METTL15: variants seen among roughly 807,000 people sequenced by gnomAD.
METTL15 encodes the protein methyltransferase 15, mitochondrial 12S rRNA N4-cytidine, also known as 12S rRNA N(4)-cytidine methyltransferase METTL15.
In METTL15, 34 loss-of-function variants were observed where a neutral mutation model predicts 38.3. That is an observed-to-expected ratio of 0.89 (90% CI 0.68 to 1.18). METTL15 has a LOEUF of 1.18. Ranked by LOEUF, METTL15 falls within the 50% of genes most tolerant of loss-of-function variation. The pLI, the probability that METTL15 is intolerant of heterozygous loss-of-function variation, is 0.00. For missense variants in METTL15, 438 were observed against 498.4 expected (o/e 0.88, Z 1.15); for synonymous variants, 162 against 170.9 (o/e 0.95, Z 0.41).
intron 3 of METTL15, among the ~76,000 whole-genome samples, chr11:28,154,745 C>CG (rs953620144): frequency 1.3e-5 from 2 of 152,130 alleles, no homozygotes; most frequent in Admixed American, 1.3e-4. Context: ...TGCAAAATGT[C>CG]AATTATAATG....
intron 3 of METTL15, among the ~76,000 whole-genome samples, chr11:28,347,800 T>C: frequency 6.6e-6 from 1 of 152,210 alleles, no homozygotes; most frequent in East Asian, 1.9e-4. Flanking sequence ...ATATGACAGC[T>C]GCTTCATTTT....
At chr11:28,457,493 T>C (rs1213336824) in intron 6 of METTL15, among the ~76,000 whole-genome samples, 1 of 152,182 alleles carries the variant, frequency 6.6e-6, no homozygotes, top group Admixed American at 6.5e-5. Flanking sequence ...TTTGATCCAC[T>C]CAAGCAGTCT....
chr11:28,418,720 C>G (rs1453446195), intron 5 of METTL15, among the ~76,000 whole-genome samples: 2 of 152,154 alleles, frequency 1.3e-5, no homozygotes, highest in Admixed American at 6.5e-5. Flanking sequence ...CACCCCTCCC[C>G]CATCCTTCTG....
intron 4 of METTL15, among the ~76,000 whole-genome samples, chr11:28,221,231 C>G (rs1456819184): frequency 6.6e-6 from 1 of 152,128 alleles, no homozygotes; most frequent in Non-Finnish European, 1.5e-5. Flanking sequence ...TTCACATAGT[C>G]CCATATTTCT....
chr11:28,472,974 G>A (rs1228461124), intron 6 of METTL15, among the ~76,000 whole-genome samples: 2 of 152,124 alleles, frequency 1.3e-5, no homozygotes, highest in African/African-American at 2.4e-5. Context: ...TTCTCTGGAA[G>A]ATCAGAGTCT....
At chr11:28,363,224 A>G in intron 5 of METTL15, among the ~76,000 whole-genome samples, 1 of 151,874 alleles carries the variant, frequency 6.6e-6, no homozygotes, top group South Asian at 2.1e-4. Flanking sequence ...CACAGGCTGG[A>G]GTACAGTGGT....
chr11:28,440,422 A>T (rs1851024461), intron 6 of METTL15, among the ~76,000 whole-genome samples: 1 of 152,208 alleles, frequency 6.6e-6, no homozygotes, highest in Non-Finnish European at 1.5e-5. Context: ...TGTCAGGAAA[A>T]AAAGTAAAAT....
intron 6 of METTL15, among the ~76,000 whole-genome samples, chr11:28,425,455 C>T (rs1328790677): frequency 6.6e-6 from 1 of 152,192 alleles, no homozygotes. Context: ...ATACTCTAAA[C>T]TTCTGTCATG....
chr11:28,417,290 T>A (rs975101844), intron 5 of METTL15, among the ~76,000 whole-genome samples: 35 of 152,188 alleles, frequency 2.3e-4, no homozygotes, highest in African/African-American at 8.4e-4. Context: ...CCCTGATTTT[T>A]CCATTGTTAG....
At chr11:28,196,377 T>A (rs1565157642) in intron 3 of METTL15, among the ~76,000 whole-genome samples, 1 of 152,092 alleles carries the variant, frequency 6.6e-6, no homozygotes, top group Non-Finnish European at 1.5e-5. Flanking sequence ...ATGATTTCTT[T>A]TAGCAGTGTT....
chr11:28,499,713 A>AC (rs1417687148), intron 6 of METTL15, among the ~76,000 whole-genome samples: 1 of 103,210 alleles, frequency 9.7e-6, no homozygotes, highest in Non-Finnish European at 2.0e-5. Context: ...TAAAATGATC[A>AC]CAAAAAAAGA....
intron 6 of METTL15, among the ~76,000 whole-genome samples, chr11:28,313,442 A>G (rs567607719): frequency 6.6e-6 from 1 of 152,134 alleles, no homozygotes; most frequent in South Asian, 2.1e-4. Flanking sequence ...TGATTAATGA[A>G]TTTATGATTC....
intron 4 of METTL15, among the ~76,000 whole-genome samples, chr11:28,277,473 A>G (rs940535380): frequency 6.6e-6 from 1 of 152,126 alleles, no homozygotes; most frequent in African/African-American, 2.4e-5. Context: ...CGAAGCGGGC[A>G]GATTACCTGA....
intron 5 of METTL15, among the ~76,000 whole-genome samples, chr11:28,363,785 A>C (rs568306118): frequency 6.6e-5 from 10 of 152,204 alleles, no homozygotes; most frequent in African/African-American, 2.4e-4. Flanking sequence ...TATATTTCCT[A>C]GGTTTTCTTC....
chr11:28,162,509 G>A (rs1038409870), intron 3 of METTL15, among the ~76,000 whole-genome samples: 5 of 152,006 alleles, frequency 3.3e-5, no homozygotes, highest in African/African-American at 1.2e-4. Context: ...CTTTTTATTT[G>A]TCCATTAGCT....
rs187667755 is a variant in METTL15 at position 28,416,275 on chromosome 11, C to A, written c.*359-8024C>A. 3.3e-5 allele frequency among the ~76,000 whole-genome samples: 5 copies of A among 152,316 alleles called. No individual in the cohort carries two copies. The East Asian group carries it at 9.7e-4, about 30-fold the overall frequency. On this transcript the variant is annotated intron_variant and NMD_transcript_variant, in intron 5 of 7. Transcript: ENST00000532947. Reference sequence around the variant, plus strand: ...CAAGCTCTATCTATACCCCTGGCAACAAGTTGCCCTGTGGTCACTGTCAGA... The same window carrying A: ...CAAGCTCTATCTATACCCCTGGCAAAAAGTTGCCCTGTGGTCACTGTCAGA...
At chr11:28,310,896 CTGCTGCTGCTGCTGCTGCTGGTGGTGG>C (rs1307922708) in intron 6 of METTL15, among the ~76,000 whole-genome samples, 19 of 85,862 alleles carry the variant, frequency 2.2e-4, no homozygotes, top group Non-Finnish European at 3.7e-4. Context: ...GCTGCTGCTG[CTGCTGCTGCTGCTGCTGCTGGTGGTGG>C]TGGTGGTGGT....
chr11:28,204,288 A>G (rs370228177), intron 3 of METTL15, among the ~76,000 whole-genome samples: 1 of 151,922 alleles, frequency 6.6e-6, no homozygotes, highest in Non-Finnish European at 1.5e-5. Context: ...TGTTCTTTCT[A>G]TCACTCTTGC....
chr11:28,225,462 T>A (rs564331437), intron 4 of METTL15, among the ~76,000 whole-genome samples: 1 of 151,874 alleles, frequency 6.6e-6, no homozygotes, highest in African/African-American at 2.4e-5. Flanking sequence ...CTTGATAGAG[T>A]ATAGAATTCG....
Sources: allele counts gnomAD v4.1 joint callset (sites outside exome capture counted in the v4.1 genomes callset), GRCh38; gene constraint gnomAD v4.1.1; transcripts MANE v1.5; gene names NCBI Gene and HGNC (gene_info 2026-07-23, HGNC 2026-07-21).